Variants in QKI observed in about 807,000 individuals in gnomAD.
QKI encodes the protein KH domain-containing RNA-binding protein QKI.
A neutral mutation model predicts 39.0 loss-of-function variants in QKI; 10 were observed. The observed-to-expected ratio is 0.26, with a 90% CI of 0.16 to 0.43. The LOEUF (loss-of-function observed/expected upper bound fraction) is 0.43, where lower values mean the gene tolerates loss of function less well. Among genes scored for constraint, QKI ranks in the 20% least tolerant of loss-of-function variants. QKI has a pLI of 1.00. For synonymous variants in QKI, 204 were observed against 155.4 expected (o/e 1.31, Z -2.33); for missense variants, 218 against 428.0 (o/e 0.51, Z 4.33).
At chr6:163,564,291 A>G (rs1226667547) in intron 6 of QKI, 4 of 1,010,278 alleles carry the variant, frequency 4.0e-6, no homozygotes, top group African/African-American at 1.7e-5. Context: ...TTTGGTGTAC[A>G]TCATAGAGTG....
chr6:163,528,469 T>TA (rs1339420417), intron 3 of QKI, among the ~76,000 whole-genome samples: 1 of 152,148 alleles, frequency 6.6e-6, no homozygotes, highest in Non-Finnish European at 1.5e-5. Context: ...GTACAACACT[T>TA]ACTGCCTGAC....
chr6:163,509,812 T>C (rs987578161), intron 3 of QKI, among the ~76,000 whole-genome samples: 8 of 151,990 alleles, frequency 5.3e-5, no homozygotes, highest in African/African-American at 1.5e-4. Context: ...AAAACAGTAG[T>C]AAAAATGGTA....
chr6:163,495,403 G>T (rs1216087584), intron 3 of QKI, among the ~76,000 whole-genome samples: 1 of 152,142 alleles, frequency 6.6e-6, no homozygotes, highest in African/African-American at 2.4e-5. Context: ...GCATGCGCGT[G>T]TGTGTCTGTA....
At chr6:163,446,172 T>G (rs1276871194) in intron 1 of QKI, among the ~76,000 whole-genome samples, 4 of 152,180 alleles carry the variant, frequency 2.6e-5, no homozygotes, top group Non-Finnish European at 4.4e-5. Context: ...CTTTCCCCCT[T>G]GTATTTATTT....
At chr6:163,557,482 A>G (rs1782704089) in intron 4 of QKI, among the ~76,000 whole-genome samples, 1 of 152,232 alleles carries the variant, frequency 6.6e-6, no homozygotes, top group Non-Finnish European at 1.5e-5. Context: ...AAAAAAATTA[A>G]GTCAATTGAA....
chr6:163,416,519 T>C (rs910140291), intron 1 of QKI: 10 of 152,220 alleles, frequency 6.6e-5, no homozygotes, highest in Non-Finnish European at 1.3e-4. Context: ...TTTAGATTTT[T>C]CGCAAGAATT....
At chr6:163,484,318 GCC>G (rs1400374029) in intron 3 of QKI, among the ~76,000 whole-genome samples, 3 of 151,786 alleles carry the variant, frequency 2.0e-5, no homozygotes, top group East Asian at 3.9e-4. Context: ...TCATGCCTCA[GCC>G]TGCTGAGTAG....
intron 7 of QKI, chr6:163,569,705 G>T: frequency 1.0e-6 from 1 of 994,254 alleles, no homozygotes; most frequent in Non-Finnish European, 1.2e-6. Context: ...AGTATTTACA[G>T]GTGGCTTCTT....
chr6:163,501,093 T>C (rs1745685625), intron 3 of QKI, among the ~76,000 whole-genome samples: 1 of 152,132 alleles, frequency 6.6e-6, no homozygotes, highest in Non-Finnish European at 1.5e-5. Context: ...TTTAATACAA[T>C]GACTTTTAAA....
intron 2 of QKI, among the ~76,000 whole-genome samples, chr6:163,471,895 T>C (rs1792219157): frequency 6.6e-6 from 1 of 152,074 alleles, no homozygotes; most frequent in African/African-American, 2.4e-5. Flanking sequence ...TTGAAGGTAA[T>C]AGATTGGATC....
At chr6:163,525,135 A>G (rs768085917) in intron 3 of QKI, among the ~76,000 whole-genome samples, 3 of 152,208 alleles carry the variant, frequency 2.0e-5, no homozygotes, top group Non-Finnish European at 2.9e-5. Context: ...ATACCTAAAT[A>G]AAATTCCCTC....
rs1003942949 is a variant in QKI at position 163,577,547 on chromosome 6, C to G, written c.*6837C>G. On this transcript the variant is annotated 3_prime_UTR_variant, in exon 8 of 8. Transcript: ENST00000361752. ...GCTGAAACTGAGTAATTAAACGGTC[C>G]CCTGAAGCCAAGTATTCCCTGGTTA... 6.6e-6 allele frequency: 1 copy of G among 152,314 alleles called. No homozygotes were observed. The highest frequency in any genetic ancestry group is 1.5e-5 in the Non-Finnish European group (1 of 68,002). 9.4% of individuals were successfully genotyped at this position (152,314 alleles called of 1,614,324 possible). A position where few individuals can be genotyped will look rare whatever the true frequency, so the allele number is the denominator to read the frequency against.
chr6:163,465,464 T>G (rs555201569), intron 2 of QKI, among the ~76,000 whole-genome samples: 1 of 150,040 alleles, frequency 6.7e-6, no homozygotes, highest in South Asian at 2.1e-4. Flanking sequence ...CTGTCTCTAC[T>G]AAAAAATACA....
chr6:163,568,924 C>G, intron 7 of QKI: 1 of 985,862 alleles, frequency 1.0e-6, no homozygotes, highest in Non-Finnish European at 1.2e-6. Flanking sequence ...AGGATGTAGT[C>G]TAGGTGTCCT....
chr6:163,571,476 G>A lies in QKI; in HGVS notation c.*766G>A, dbSNP rs528964328. On this transcript the variant is annotated 3_prime_UTR_variant, in exon 8 of 8. Transcript: ENST00000361752. Reference sequence around the variant, plus strand: ...TGAGAACAAGGTACATGCATTATGTGTCACATTACTGGGCAAACTGTTCAA... The same window carrying A: ...TGAGAACAAGGTACATGCATTATGTATCACATTACTGGGCAAACTGTTCAA... 2.0e-5 allele frequency: 3 copies of A among 152,150 alleles called. No homozygotes were observed. Among genetic ancestry groups the A allele is most frequent in the Admixed American group, 2.0e-4 (3 of 15,288 alleles). The allele number at this position is 152,150 out of a possible 1,614,324, so 9.4% of individuals were successfully genotyped here. A position where few individuals can be genotyped will look rare whatever the true frequency, so the allele number is the denominator to read the frequency against.
intron 3 of QKI, among the ~76,000 whole-genome samples, chr6:163,484,228 A>T (rs115846851): frequency 0.039 from 5,904 of 149,746 alleles, 397 homozygotes; most frequent in African/African-American, 0.14. Context: ...TTTAAGACAG[A>T]GTCTCACTCT....
rs1221937872 is a variant in QKI at position 163,578,093 on chromosome 6, AAG to A, written c.*7384_*7385del. The A allele has an allele frequency of 2.0e-5, 3 of 152,130 alleles. No individual in the cohort carries two copies. The highest frequency in any genetic ancestry group is 4.4e-5 in the Non-Finnish European group (3 of 68,016). 9.4% of individuals were successfully genotyped at this position (152,130 alleles called of 1,614,324 possible). On this transcript the variant is annotated 3_prime_UTR_variant, in exon 8 of 8. Coordinates refer to ENST00000361752, the MANE Select transcript of QKI (RefSeq NM_006775.3). The stretch of plus-strand genomic sequence containing the variant: ...ATTTTGTGAACTGTATACCCTCTGA[AAG>A]CGCTTATTTTTACATGCTACACAAC...
At chr6:163,492,190 A>G (rs1051530657) in intron 3 of QKI, among the ~76,000 whole-genome samples, 1 of 152,218 alleles carries the variant, frequency 6.6e-6, no homozygotes, top group Non-Finnish European at 1.5e-5. Context: ...ATAATTTTTC[A>G]GTCTAATATA....
chr6:163,523,722 TATC>T (rs1250882354), intron 3 of QKI, among the ~76,000 whole-genome samples: 1 of 152,182 alleles, frequency 6.6e-6, no homozygotes, highest in Non-Finnish European at 1.5e-5. Flanking sequence ...CTGATGAAAA[TATC>T]ATAAAAGATG....
Sources: allele counts gnomAD v4.1 joint callset (sites outside exome capture counted in the v4.1 genomes callset), GRCh38; gene constraint gnomAD v4.1.1; transcripts MANE v1.5; gene names NCBI Gene and HGNC (gene_info 2026-07-23, HGNC 2026-07-21).